The following SLC22A25 variants were observed in gnomAD, a reference collection of about 807,000 sequenced individuals.
The protein encoded by SLC22A25 is MGI:2442751, MGI:2385316, MGI:3042283, MGI:3645714, MGI:3605624, MGI:2442750.
A neutral mutation model predicts 45.9 loss-of-function variants in SLC22A25; 44 were observed. The observed-to-expected ratio is 0.96, with a 90% CI of 0.75 to 1.23. The LOEUF is 1.23. Ranked by LOEUF, SLC22A25 falls within the 50% of genes most tolerant of loss-of-function variation. The pLI, the probability that SLC22A25 is intolerant of heterozygous loss-of-function variation, is 0.00. For missense variants in SLC22A25, 800 were observed against 666.4 expected (o/e 1.20, Z -2.21); for synonymous variants, 283 against 238.6 (o/e 1.19, Z -1.72).
chr11:63,236,091 G>A (rs2090157935), intron 3 of SLC22A25, among the ~76,000 whole-genome samples: 1 of 152,204 alleles, frequency 6.6e-6, no homozygotes, highest in African/African-American at 2.4e-5. Flanking sequence ...TTGGTGTTCA[G>A]GGACCCACTT....
rs112088940 is a variant in SLC22A25 at position 63,217,339 on chromosome 11, A to G, written c.805T>C (p.Cys269Arg). The G allele has an allele frequency of 4.9e-4, 794 of 1,613,854 alleles. 8 individuals are homozygous for G. In the African/African-American group the frequency reaches 5.9e-3, roughly 12 times the overall value. ...CTTGAGAACAGAAAGAAGACAAAGC[A>G]TGGTGCAGACATCACCAACTGGAGG... Reference protein sequence around the residue: ...CILQLVMSAPCFVFFLFSRWL... With the variant: ...CILQLVMSAPRFVFFLFSRWL... The change falls in exon 7 of 12, where the codon TGC becomes CGC. Residue 269 changes from cysteine to arginine, a missense_variant. Physicochemically the swap from Cys to Arg is radical, Grantham distance 180 (BLOSUM62 -3). Coordinates refer to ENST00000306494, the MANE Select transcript of SLC22A25 (RefSeq NM_199352.6).
chr11:63,198,358 A>G (rs751903101), intron 7 of SLC22A25, among the ~76,000 whole-genome samples: 3 of 152,236 alleles, frequency 2.0e-5, no homozygotes, highest in Non-Finnish European at 4.4e-5. Context: ...GATTAAGAAA[A>G]TATGACACAT....
chr11:63,165,988 T>A, intron 10 of SLC22A25, 56 bp downstream of exon 10: 1 of 1,587,756 alleles, frequency 6.3e-7, no homozygotes, highest in Non-Finnish European at 8.6e-7. Flanking sequence ...ACCAGGGCAA[T>A]CCCTGAGAAA....
intron 1 of SLC22A25, among the ~76,000 whole-genome samples, chr11:63,242,687 T>A (rs570323046): frequency 6.6e-6 from 1 of 152,186 alleles, no homozygotes. Context: ...CCAGGTACAA[T>A]ACTTTGTGCA....
chr11:63,166,428 G>A (rs2087687709), intron 9 of SLC22A25, 170 bp from the exon 10 acceptor site: 3 of 1,431,482 alleles, frequency 2.1e-6, no homozygotes, highest in South Asian at 1.5e-5. Flanking sequence ...ATAAAATAAT[G>A]GTTAGATGAT....
intron 5 of SLC22A25, among the ~76,000 whole-genome samples, chr11:63,219,167 A>G (rs2089792407): frequency 6.6e-6 from 1 of 152,218 alleles, no homozygotes; most frequent in African/African-American, 2.4e-5. Context: ...AATTTAATGG[A>G]AAAATGCATG....
rs750672182 is a variant in SLC22A25 at position 63,228,549 on chromosome 11, C to A, written c.418G>T (p.Glu140Ter). ...GCTACTGAATTCAGTGGTTGAGATT[C>A]GCATACCAGATCCCACTGGAAGAAA... ...TIVTKWDLVC[E>*]SQPLNSVAKF... Residue 140 changes from glutamate (E) to a stop codon, truncating the protein, a stop_gained, in exon 5 of 12, where the codon GAA becomes TAA. Coordinates refer to ENST00000306494, the MANE Select transcript of SLC22A25 (RefSeq NM_199352.6). LOFTEE classifies it high-confidence loss of function. 2.5e-6 allele frequency: 4 copies of A among 1,613,380 alleles called. No homozygotes were observed. The African/African-American group carries it at 5.3e-5, about 22-fold the overall frequency.
intron 3 of SLC22A25, among the ~76,000 whole-genome samples, chr11:63,233,333 G>A (rs1214185758): frequency 2.0e-5 from 3 of 152,174 alleles, no homozygotes; most frequent in African/African-American, 7.2e-5. Context: ...AGGCTATTCA[G>A]AGATTCAACT....
At chr11:63,212,974 G>A (rs906462281) in intron 7 of SLC22A25, among the ~76,000 whole-genome samples, 1 of 152,190 alleles carries the variant, frequency 6.6e-6, no homozygotes, top group Non-Finnish European at 1.5e-5. Flanking sequence ...TTCACCTGCT[G>A]TGTGAAGCTG....
At chr11:63,205,915 C>T (rs2089389081) in intron 7 of SLC22A25, among the ~76,000 whole-genome samples, 1 of 152,128 alleles carries the variant, frequency 6.6e-6, no homozygotes, top group South Asian at 2.1e-4. Context: ...TATGGGCAAA[C>T]TGAATCCAGC....
intron 7 of SLC22A25, among the ~76,000 whole-genome samples, chr11:63,198,420 G>A (rs1005328483): frequency 5.9e-5 from 9 of 152,166 alleles, no homozygotes; most frequent in Non-Finnish European, 7.3e-5. Context: ...ATCCTTTGTA[G>A]GAACATAGAT....
chr11:63,198,347 G>A (rs1309170257), intron 7 of SLC22A25, among the ~76,000 whole-genome samples: 1 of 152,178 alleles, frequency 6.6e-6, no homozygotes, highest in Non-Finnish European at 1.5e-5. Context: ...ATGATAGACT[G>A]GATTAAGAAA....
chr11:63,224,121 T>C (rs2089908302), intron 5 of SLC22A25, among the ~76,000 whole-genome samples: 1 of 152,144 alleles, frequency 6.6e-6, no homozygotes, highest in Non-Finnish European at 1.5e-5. Context: ...ATTTTCTTTA[T>C]GTATCTGAGT....
chr11:63,226,366 G>C (rs1029918553), intron 5 of SLC22A25, among the ~76,000 whole-genome samples: 1 of 152,166 alleles, frequency 6.6e-6, no homozygotes, highest in Non-Finnish European at 1.5e-5. Flanking sequence ...CTGCATTAGG[G>C]GGCCTCCAAA....
At chr11:63,188,027 C>T (rs989930086) in intron 7 of SLC22A25, among the ~76,000 whole-genome samples, 2 of 152,130 alleles carry the variant, frequency 1.3e-5, no homozygotes, top group African/African-American at 4.8e-5. Context: ...GTGTCTCTGC[C>T]AGGCTTTGGT....
intron 7 of SLC22A25, among the ~76,000 whole-genome samples, chr11:63,201,855 A>C (rs1469263781): frequency 6.6e-6 from 1 of 152,154 alleles, no homozygotes; most frequent in Non-Finnish European, 1.5e-5. Flanking sequence ...GTGGCTGGCA[A>C]GATGGCTGAA....
Position 63,183,782 on chromosome 11 carries a change from T to C in SLC22A25, c.866A>G (p.Asn289Ser), listed in dbSNP as rs1175338884. The part of the protein sequence containing the change: ...LAESARWLII[N>S]NKPEEGLKEL... ...CTTTAAGCCCTCTTCTGGTTTGTTGTTGATAATGAGCCACCGAGCAGACTC... is the reference window on the plus strand; with the variant it reads ...CTTTAAGCCCTCTTCTGGTTTGTTGCTGATAATGAGCCACCGAGCAGACTC... Residue 289 changes from asparagine (N) to serine (S), a missense_variant, in exon 8 of 12, where the codon AAC becomes AGC. Physicochemically the swap from Asn to Ser is conservative, Grantham distance 46 (BLOSUM62 1). Coordinates refer to ENST00000306494, the MANE Select transcript of SLC22A25 (RefSeq NM_199352.6). 1 of 1,613,248 alleles carries C rather than the reference T, an allele frequency of 6.2e-7. No homozygotes were observed. The highest frequency in any genetic ancestry group is 1.7e-5 in the Admixed American group (1 of 59,928).
At chr11:63,180,238 C>A (rs1261134966) in intron 9 of SLC22A25, among the ~76,000 whole-genome samples, 1 of 152,112 alleles carries the variant, frequency 6.6e-6, no homozygotes, top group Non-Finnish European at 1.5e-5. Context: ...AACTTGTGAT[C>A]ATTTCCCAGT....
intron 7 of SLC22A25, among the ~76,000 whole-genome samples, chr11:63,210,321 C>T (rs2089523089): frequency 6.6e-6 from 1 of 152,102 alleles, no homozygotes; most frequent in Non-Finnish European, 1.5e-5. Flanking sequence ...AAAGAGACAG[C>T]TTGATTTATA....
Sources: allele counts gnomAD v4.1 joint callset (sites outside exome capture counted in the v4.1 genomes callset), GRCh38; gene constraint gnomAD v4.1.1; transcripts MANE v1.5; gene names NCBI Gene and HGNC (gene_info 2026-07-23, HGNC 2026-07-21).